YEATS2: variants seen among roughly 807,000 people sequenced by gnomAD.
YEATS2 encodes the protein YEATS domain containing 2, also known as YEATS domain-containing protein 2.
In YEATS2, 77 loss-of-function variants were observed where a neutral mutation model predicts 163.2. The observed-to-expected ratio is 0.47, with a 90% CI of 0.39 to 0.57. YEATS2 has a LOEUF of 0.57. Ranked by LOEUF, YEATS2 falls within the 20% of genes least tolerant of loss-of-function variation. YEATS2 has a pLI of 0.00. For synonymous variants in YEATS2, 631 were observed against 645.1 expected, an observed-to-expected ratio of 0.98 and a Z score of 0.33; for missense variants, 1,549 against 1,729.8, an observed-to-expected ratio of 0.90 and a Z score of 1.85.
rs545541499 is a variant in YEATS2 at position 183,806,884 on chromosome 3, C to T, written c.3803C>T (p.Ser1268Phe). The T allele has an allele frequency of 1.9e-6, 3 of 1,613,908 alleles. No homozygotes were observed. The highest frequency in any genetic ancestry group is 1.1e-5 in the South Asian group (1 of 91,062). ...DSEPECPSSF[S>F]SADNLCRKLE... ...CATTTAGAGTGCCCATCATCATTCTCCTCTGCTGACAACCTCTGCCGCAAA... is the reference window on the plus strand; with the variant it reads ...CATTTAGAGTGCCCATCATCATTCTTCTCTGCTGACAACCTCTGCCGCAAA... Residue 1268 changes from serine (S) to phenylalanine (F), a missense_variant, in exon 28 of 31, where the codon TCC (serine) becomes TTC (phenylalanine). Transcript: ENST00000305135.
At chr3:183,766,935 A>G (rs1025480144) in intron 15 of YEATS2, among the ~76,000 whole-genome samples, 3 of 151,632 alleles carry the variant, frequency 2.0e-5, no homozygotes, top group Non-Finnish European at 4.4e-5. Flanking sequence ...TCAGCCTCCC[A>G]AAGTGTTGGG....
chr3:183,788,466 C>G (rs573545240), intron 20 of YEATS2, among the ~76,000 whole-genome samples: 19 of 152,310 alleles, frequency 1.2e-4, no homozygotes, highest in African/African-American at 4.3e-4. Flanking sequence ...ATCCATGTTG[C>G]AAATGACAGG....
chr3:183,715,507 C>G (rs771366112), intron 2 of YEATS2, among the ~76,000 whole-genome samples: 53 of 151,984 alleles, frequency 3.5e-4, no homozygotes, highest in Middle Eastern at 6.8e-3. Context: ...TTTTAGCGAT[C>G]ACTGTATGTT....
At chr3:183,792,685 T>A (rs564791728) in intron 21 of YEATS2, among the ~76,000 whole-genome samples, 9 of 152,220 alleles carry the variant, frequency 5.9e-5, no homozygotes, top group Middle Eastern at 3.4e-3. Context: ...GCCTGGCTAA[T>A]TTTTGTAGAG....
At position 183,777,576 on chromosome 3, in the gene YEATS2, C is replaced by T. The variant is rs372584015; in HGVS notation, c.2612C>T (p.Thr871Ile). ...TFLVGQPSPQ[T>I]SGKQLTTGSV... ...TTAGTTGGCCAGCCATCACCCCAGA[C>T]TTCTGGAAAACAACTCACCACTGGG... The change falls in exon 19 of 31, where the codon ACT (threonine) becomes ATT (isoleucine). Residue 871 changes from threonine to isoleucine, a missense_variant. Coordinates refer to ENST00000305135, the MANE Select transcript of YEATS2 (RefSeq NM_018023.5). 2 of 1,614,016 alleles carry T rather than the reference C, an allele frequency of 1.2e-6. No individual in the cohort carries two copies. The highest frequency in any genetic ancestry group is 1.7e-6 in the Non-Finnish European group (2 of 1,180,024).
intron 1 of YEATS2, among the ~76,000 whole-genome samples, chr3:183,703,910 C>T (rs1035393222): frequency 1.3e-5 from 2 of 151,994 alleles, no homozygotes; most frequent in East Asian, 3.8e-4. Context: ...CTTGTAATCC[C>T]AGCACTTTGG....
intron 25 of YEATS2, 73 bp from the exon 26 acceptor site, chr3:183,803,183 T>G: frequency 6.6e-7 from 1 of 1,515,352 alleles, no homozygotes; most frequent in Non-Finnish European, 9.0e-7. Context: ...GTGACTGGCT[T>G]GCCTCCAGCA....
chr3:183,757,361 G>A (rs550414824), intron 12 of YEATS2, among the ~76,000 whole-genome samples: 27 of 152,104 alleles, frequency 1.8e-4, no homozygotes, highest in African/African-American at 6.3e-4. Context: ...CGTGATCTCG[G>A]CTCACTGCAA....
intron 19 of YEATS2, among the ~76,000 whole-genome samples, chr3:183,785,423 AG>A (rs1418310976): frequency 1.4e-5 from 2 of 146,084 alleles, no homozygotes; most frequent in African/African-American, 2.5e-5. Flanking sequence ...CGGGAGGCGG[AG>A]GTTGCAGTAA....
chr3:183,736,733 C>T lies in YEATS2; in HGVS notation c.828C>T (p.His276=), dbSNP rs1577082139. ...TTTTCCATAGAGAGCCTCCTTTTCA[C>T]CTGACCAGAAGAGGCTGGGGTGAGT... The part of the protein sequence containing the change: ...DLVEVREPPF[H]LTRRGWGEFP... The change falls in exon 8 of 31, where the codon CAC becomes CAT. Residue 276 remains histidine (H), a synonymous_variant. Transcript: ENST00000305135. The T allele has an allele frequency of 6.2e-7, 1 of 1,613,268 alleles. No individual in the cohort carries two copies. Among genetic ancestry groups the T allele is most frequent in the East Asian group, 2.2e-5 (1 of 44,808 alleles).
At chr3:183,805,880 C>T (rs6781405) in intron 27 of YEATS2, among the ~76,000 whole-genome samples, 5,846 of 152,106 alleles carry the variant, frequency 0.038, 164 homozygotes, top group Non-Finnish European at 0.06. Flanking sequence ...TCTCCTGCAG[C>T]GCTTAATATC....
chr3:183,722,122 C>T lies in YEATS2; in HGVS notation c.523C>T (p.Arg175Ter), dbSNP rs1246373046. ...AAACAACATGGAGCAGAGACCAAGC[C>T]GAAATACTGGAAGGGTATATAGATG... is the stretch of plus-strand genomic sequence containing the variant. ...LSNNMEQRPS[R>*]NTGRDTSRIT... The change falls in exon 5 of 31, where the codon CGA becomes TGA. Residue 175 changes from arginine (R) to a stop codon, truncating the protein, a stop_gained. Coordinates refer to ENST00000305135, the MANE Select transcript of YEATS2 (RefSeq NM_018023.5). LOFTEE classifies it high-confidence loss of function. 8 of 1,613,532 alleles carry T rather than the reference C, an allele frequency of 5.0e-6. No individual in the cohort carries two copies. The highest frequency in any genetic ancestry group is 5.9e-6 in the Non-Finnish European group (7 of 1,179,954).
intron 6 of YEATS2, 31 bp from the exon 7 acceptor site, chr3:183,728,659 G>C: frequency 6.6e-7 from 1 of 1,516,042 alleles, no homozygotes; most frequent in Non-Finnish European, 8.8e-7. Flanking sequence ...AGGACGAAAA[G>C]AATTCAGGTT....
At chr3:183,733,399 T>C (rs897450659) in intron 7 of YEATS2, among the ~76,000 whole-genome samples, 5 of 152,254 alleles carry the variant, frequency 3.3e-5, no homozygotes, top group Non-Finnish European at 7.3e-5. Context: ...CTTTGTTTTA[T>C]GTTCCTTTGC....
intron 27 of YEATS2, 91 bp from the exon 28 acceptor site, chr3:183,806,775 C>A (rs553259576): frequency 4.5e-6 from 6 of 1,326,244 alleles, no homozygotes; most frequent in Non-Finnish European, 6.3e-6. Context: ...TGATGCTTAT[C>A]CCCCTTCCTC....
Position 183,756,630 on chromosome 3 carries a change from C to G in YEATS2, c.1493C>G (p.Pro498Arg), listed in dbSNP as rs763494931. ...ACTGCCGGCTCTGTTATTAATAATC[C>G]TTATGTTATCATGGACAAGCAGCCG... is the stretch of plus-strand genomic sequence containing the variant. ...QGTAGSVINNPYVIMDKQPGQ... is the reference protein window; with the variant it reads ...QGTAGSVINNRYVIMDKQPGQ... Residue 498 changes from proline (P) to arginine (R), a missense_variant, in exon 12 of 31, where the codon CCT becomes CGT. Transcript: ENST00000305135. The G allele has an allele frequency of 6.2e-7, 1 of 1,602,032 alleles. No homozygotes were observed. The highest frequency in any genetic ancestry group is 8.5e-7 in the Non-Finnish European group (1 of 1,174,598).
At chr3:183,768,244 C>T (rs1298245685) in intron 15 of YEATS2, among the ~76,000 whole-genome samples, 2 of 152,208 alleles carry the variant, frequency 1.3e-5, no homozygotes, top group South Asian at 2.1e-4. Context: ...AACACTTCAT[C>T]TCATACCTCC....
intron 17 of YEATS2, among the ~76,000 whole-genome samples, chr3:183,775,403 C>G (rs1051847197): frequency 5.3e-5 from 8 of 152,272 alleles, no homozygotes; most frequent in African/African-American, 1.9e-4. Context: ...CGAGACCATC[C>G]TGTCCAACAT....
Position 183,790,972 on chromosome 3 carries a change from C to T in YEATS2, c.3089C>T (p.Thr1030Ile), listed in dbSNP as rs1374222068. 2 of 1,613,652 alleles carry T rather than the reference C, an allele frequency of 1.2e-6. No individual in the cohort carries two copies. Among genetic ancestry groups the T allele is most frequent in the Non-Finnish European group, 1.7e-6 (2 of 1,179,692 alleles). The change falls in exon 21 of 31, where the codon ACA (threonine) becomes ATA (isoleucine). Residue 1030 changes from threonine to isoleucine, a missense_variant. By Grantham distance (89) the Thr-to-Ile change is moderately conservative. Transcript: ENST00000305135. ...CCAAACCCCATCTCTGGGAAAGCCA[C>T]AGTATCCGGTGAGTTGCATTGTGAT... is the stretch of plus-strand genomic sequence containing the variant. ...PTPNPISGKA[T>I]VSGLLKIHSS...
Sources: gnomAD v4.1 joint callset for allele counts (sites outside exome capture counted in the v4.1 genomes callset) on GRCh38, gnomAD v4.1.1 for gene constraint, MANE v1.5 for transcripts, NCBI Gene and HGNC (gene_info 2026-07-23, HGNC 2026-07-21) for gene names.